RAB6A: variants seen among roughly 807,000 people sequenced by gnomAD.
RAB6A encodes the protein ras-related protein Rab-6A.
A neutral mutation model predicts 32.3 loss-of-function variants in RAB6A; 8 were observed. That is an observed-to-expected ratio of 0.25 (90% CI 0.15 to 0.45). The LOEUF (loss-of-function observed/expected upper bound fraction) is 0.45, where lower values mean the gene tolerates loss of function less well. Among genes scored for constraint, RAB6A ranks in the 20% least tolerant of loss-of-function variants. The probability of loss-of-function intolerance (pLI) is 1.00; values close to 1 mark genes in which losing one functional copy is unlikely to be tolerated. For synonymous variants in RAB6A, 73 were observed against 82.1 expected, an observed-to-expected ratio of 0.89 and a Z score of 0.60; for missense variants, 104 against 249.4, an observed-to-expected ratio of 0.42 and a Z score of 3.93.
chr11:73,723,903 C>A (rs114627274), intron 2 of RAB6A, among the ~76,000 whole-genome samples: 71 of 152,192 alleles, frequency 4.7e-4, no homozygotes, highest in African/African-American at 1.7e-3. Flanking sequence ...CCACTCCTAC[C>A]CACATATCTA....
intron 6 of RAB6A, among the ~76,000 whole-genome samples, chr11:73,680,824 T>A (rs1945344758): frequency 6.6e-6 from 1 of 152,130 alleles, no homozygotes. Flanking sequence ...TTGGAATGAG[T>A]GTCAGTGGGA....
At chr11:73,744,511 CAAAAAAAAAAA>C (rs555388622) in intron 1 of RAB6A, among the ~76,000 whole-genome samples, 46 of 63,750 alleles carry the variant, frequency 7.2e-4, no homozygotes, top group Admixed American at 1.4e-3. Flanking sequence ...ACCCTGTCTC[CAAAAAAAAAAA>C]AAAAAAAAAA....
chr11:73,690,927 T>A (rs927806530), intron 6 of RAB6A, among the ~76,000 whole-genome samples: 2 of 148,632 alleles, frequency 1.3e-5, no homozygotes, highest in African/African-American at 2.5e-5. Flanking sequence ...AACAGCCGCA[T>A]CTCAGTAACA....
chr11:73,747,980 G>A (rs1723849), intron 1 of RAB6A, among the ~76,000 whole-genome samples: 139,333 of 152,240 alleles, frequency 0.92, 63,936 homozygotes, highest in East Asian at 1. Context: ...TCTTCACCCT[G>A]AAGTTAATGT....
intron 6 of RAB6A, among the ~76,000 whole-genome samples, chr11:73,685,908 A>G (rs1049386316): frequency 7.1e-6 from 1 of 140,820 alleles, no homozygotes; most frequent in Non-Finnish European, 1.5e-5. Flanking sequence ...AAAAAAAAAA[A>G]GCAGCTTTAT....
At chr11:73,734,216 C>T (rs761788873) in intron 1 of RAB6A, among the ~76,000 whole-genome samples, 5 of 152,162 alleles carry the variant, frequency 3.3e-5, no homozygotes, top group Admixed American at 1.3e-4. Context: ...ACCTTCACCT[C>T]CTGGGGTCAA....
In RAB6A at chr11:73,739,439, G is replaced by A. The variant is rs149456990; in HGVS notation, c.71-8616C>T. Among the ~76,000 whole-genome samples, 260 of 149,534 alleles carry A rather than the reference G, an allele frequency of 1.7e-3. 6 individuals are homozygous for A. The East Asian group carries it at 0.049, about 28-fold the overall frequency. ...TTCCCGCCTCAGCCTCCCAAATGCT[G>A]GGATGAGTCATGAGCCACCAGTGCA... On this transcript the variant is annotated intron_variant, in intron 1 of 7. Transcript: ENST00000336083.
chr11:73,756,895 A>C (rs1946758997), intron 1 of RAB6A, among the ~76,000 whole-genome samples: 1 of 151,286 alleles, frequency 6.6e-6, no homozygotes, highest in African/African-American at 2.4e-5. Context: ...GCTGGTCTTG[A>C]ACTCCTGACC....
intron 1 of RAB6A, among the ~76,000 whole-genome samples, chr11:73,749,133 G>GA (rs1238685777): frequency 2.6e-5 from 4 of 151,458 alleles, no homozygotes; most frequent in South Asian, 2.1e-4. Context: ...TTAAAAAAAG[G>GA]AAAAAAAAGA....
chr11:73,719,285 T>G (rs2134948136), intron 3 of RAB6A, among the ~76,000 whole-genome samples: 1 of 152,346 alleles, frequency 6.6e-6, no homozygotes, highest in Middle Eastern at 3.4e-3. Flanking sequence ...ATGAGCAGCC[T>G]AAGCTATCAG....
chr11:73,739,284 A>AATATATATAT (rs1555066941), intron 1 of RAB6A, among the ~76,000 whole-genome samples: 17 of 6,754 alleles, frequency 2.5e-3, no homozygotes, highest in South Asian at 0.015. Context: ...AAAAAAAAAA[A>AATATATATAT]ATATATATAT....
At chr11:73,760,157 C>T in intron 1 of RAB6A, 2 of 1,250,250 alleles carry the variant, frequency 1.6e-6, no homozygotes, top group South Asian at 2.5e-5. Flanking sequence ...AGTGGGGCTT[C>T]CCTGAGTGGG....
rs1223697920 is a variant in RAB6A, at chr11:73,753,433, C to G, written c.70+7133G>C. ...GCTAGTCTCCAACTCCAGACCTCGC[C>G]GGGCACAGTGGCTCATGCCTGTAAT... On this transcript the variant is annotated intron_variant, in intron 1 of 7. Transcript: ENST00000336083. 2.0e-5 allele frequency among the ~76,000 whole-genome samples: 3 copies of G among 151,996 alleles called. No homozygotes were observed. The East Asian group carries it at 5.9e-4, about 30-fold the overall frequency.
chr11:73,686,312 T>C (rs1211654355), intron 6 of RAB6A, among the ~76,000 whole-genome samples: 3 of 152,158 alleles, frequency 2.0e-5, no homozygotes, highest in South Asian at 4.1e-4. Flanking sequence ...TCCCAGGACT[T>C]TGGGAGGCAA....
chr11:73,690,104 T>C (rs765806950), intron 6 of RAB6A, among the ~76,000 whole-genome samples: 2 of 152,158 alleles, frequency 1.3e-5, no homozygotes, highest in Non-Finnish European at 2.9e-5. Flanking sequence ...AGAAAGAGCA[T>C]AGAATACAAG....
intron 1 of RAB6A, among the ~76,000 whole-genome samples, chr11:73,731,409 G>A (rs1451387989): frequency 2.0e-5 from 3 of 151,270 alleles, no homozygotes; most frequent in Non-Finnish European, 2.9e-5. Flanking sequence ...TGGGCAGGGT[G>A]GTTGCACGCC....
At position 73,709,308 on chromosome 11, in the gene RAB6A, T is replaced by C. The variant is rs181617901; in HGVS notation, c.402-1795A>G. ...CTTTAGAAAGAAACTTTCTCAATTA[T>C]TTGGTTATCCTGAGGTACTTAGAAC... On this transcript the variant is annotated intron_variant, in intron 5 of 7. Coordinates refer to ENST00000336083, the MANE Select transcript of RAB6A (RefSeq NM_198896.2). 1.9e-3 allele frequency among the ~76,000 whole-genome samples: 289 copies of C among 152,050 alleles called. 1 individual carries two copies. Among genetic ancestry groups the C allele is most frequent in the African/African-American group, 6.4e-3 (265 of 41,486 alleles).
In RAB6A at chr11:73,704,557, C is replaced by T. The variant is rs79278076; in HGVS notation, c.495+2863G>A. Among the ~76,000 whole-genome samples, 138 of 150,012 alleles carry T rather than the reference C, an allele frequency of 9.2e-4. 2 individuals carry two copies. In the East Asian group the frequency reaches 0.026, roughly 29 times the overall value. On this transcript the variant is annotated intron_variant, in intron 6 of 7. Coordinates refer to ENST00000336083, the MANE Select transcript of RAB6A (RefSeq NM_198896.2). Reference sequence around the variant, plus strand: ...AAAATTAGCTGGGCATGGTGGCGCTCGACTGTAGTCCCAGCTACTCGGGAG... The same window carrying T: ...AAAATTAGCTGGGCATGGTGGCGCTTGACTGTAGTCCCAGCTACTCGGGAG...
chr11:73,735,488 G>C (rs947863232), intron 1 of RAB6A, among the ~76,000 whole-genome samples: 2 of 152,142 alleles, frequency 1.3e-5, no homozygotes, highest in African/African-American at 4.8e-5. Context: ...AAGTACAAGA[G>C]CATGTTGTGA....
Sources: gnomAD v4.1 joint callset for allele counts (sites outside exome capture counted in the v4.1 genomes callset) on GRCh38, gnomAD v4.1.1 for gene constraint, MANE v1.5 for transcripts, NCBI Gene and HGNC (gene_info 2026-07-23, HGNC 2026-07-21) for gene names.